The following RBMS2 variants were observed in gnomAD, a reference collection of about 807,000 sequenced individuals.
RBMS2 encodes RNA-binding motif, single-stranded-interacting protein 2.
A neutral mutation model predicts 58.4 loss-of-function variants in RBMS2; 38 were observed. That is an observed-to-expected ratio of 0.65 (90% confidence interval 0.50 to 0.85). The LOEUF (loss-of-function observed/expected upper bound fraction) is 0.85. Ranked by LOEUF, RBMS2 falls within the 40% of genes least tolerant of loss-of-function variation. The pLI, the probability that RBMS2 is intolerant of heterozygous loss-of-function variation, is 0.00. For synonymous variants in RBMS2, 151 were observed against 180.7 expected (o/e 0.84, Z 1.32); for missense variants, 367 against 503.7 (o/e 0.73, Z 2.60).
At chr12:56,549,039 C>T (rs1245586133) in intron 1 of RBMS2, among the ~76,000 whole-genome samples, 2 of 152,196 alleles carry the variant, frequency 1.3e-5, no homozygotes, top group African/African-American at 2.4e-5. Flanking sequence ...GTCAAAGTCT[C>T]ACTCTGTCAC....
At chr12:56,586,813 C>G in intron 9 of RBMS2, 36 bp from the exon 10 acceptor site, 1 of 1,543,614 alleles carries the variant, frequency 6.5e-7, no homozygotes, top group Non-Finnish European at 9.0e-7. Flanking sequence ...ATAATAGTTT[C>G]CAGGCAATTA....
At chr12:56,545,157 A>G (rs546775745) in intron 1 of RBMS2, among the ~76,000 whole-genome samples, 62 of 152,282 alleles carry the variant, frequency 4.1e-4, no homozygotes, top group African/African-American at 1.2e-3. Context: ...AAGTGAGAAC[A>G]TATAACATGC....
chr12:56,576,299 T>C (rs1883122045), intron 5 of RBMS2, among the ~76,000 whole-genome samples: 1 of 152,152 alleles, frequency 6.6e-6, no homozygotes, highest in Admixed American at 6.6e-5. Context: ...ATCACACCAC[T>C]GCACTCTAAC....
chr12:56,557,202 A>G (rs565730750), intron 1 of RBMS2, among the ~76,000 whole-genome samples: 2 of 152,276 alleles, frequency 1.3e-5, no homozygotes, highest in East Asian at 3.9e-4. Flanking sequence ...AGAATATGTC[A>G]GTTCCCTGGG....
At position 56,595,065 on chromosome 12, in the gene RBMS2, G is replaced by C. The variant is rs1007368088; in HGVS notation, c.*5932G>C. 6.6e-6 allele frequency: 1 copy of C among 152,298 alleles called. No individual in the cohort carries two copies. The highest frequency in any genetic ancestry group is 1.5e-5 in the Non-Finnish European group (1 of 68,102). The allele number at this position is 152,298 out of a possible 1,614,324, so 9.4% of individuals were successfully genotyped here. A position where few individuals can be genotyped will look rare whatever the true frequency, so the allele number is the denominator to read the frequency against. On this transcript the variant is annotated 3_prime_UTR_variant, in exon 14 of 14. Transcript: ENST00000262031. ...CCTGCTGTGATAGGCCAGGGGAGTA[G>C]GCTGTGCAGTGACGGCTTAGGGTAA...
chr12:56,521,502 G>GTTTTTTTTT (rs68129205), upstream of RBMS2, among the ~76,000 whole-genome samples: 622 of 73,146 alleles, frequency 8.5e-3, 66 homozygotes, highest in African/African-American at 0.033. Flanking sequence ...CTCTAACTCT[G>GTTTTTTTTT]TTTTTTTTTT....
At chr12:56,574,664 A>G (rs1392417597) in intron 5 of RBMS2, among the ~76,000 whole-genome samples, 1 of 152,208 alleles carries the variant, frequency 6.6e-6, no homozygotes, top group Non-Finnish European at 1.5e-5. Context: ...TTGAAAAACT[A>G]TGAAATCTCT....
intron 1 of RBMS2, among the ~76,000 whole-genome samples, chr12:56,548,610 G>A (rs1182200295): frequency 6.6e-6 from 1 of 152,088 alleles, no homozygotes; most frequent in East Asian, 1.9e-4. Flanking sequence ...TTAGGCAAAC[G>A]TTCAGTTATG....
At chr12:56,536,193 TC>T (rs1471100077) in intron 1 of RBMS2, among the ~76,000 whole-genome samples, 1 of 96,292 alleles carries the variant, frequency 1.0e-5, no homozygotes, top group African/African-American at 4.5e-5. Context: ...AGAGTGAAAC[TC>T]TGTCTCAAAA....
At chr12:56,573,193 T>C in intron 5 of RBMS2, 1 of 983,256 alleles carries the variant, frequency 1.0e-6, no homozygotes, top group Non-Finnish European at 1.2e-6. Context: ...ATAGTTTCTC[T>C]TGGCTGGGCG....
intron 5 of RBMS2, among the ~76,000 whole-genome samples, chr12:56,573,535 C>T (rs1393216497): frequency 2.7e-5 from 4 of 150,884 alleles, no homozygotes; most frequent in Admixed American, 2.6e-4. Flanking sequence ...TCCTCTTCCC[C>T]AGCTGACTCA....
In RBMS2 at chr12:56,569,845, C is replaced by T. The variant is rs879143057; in HGVS notation, c.293-54C>T. ...CCTCTGTCTCCTGAAAAGCCTGGAC[C>T]TCTCTGTTCCTTACACCTCCCACTT... On this transcript the variant is annotated intron_variant, in intron 3 of 13. Coordinates refer to ENST00000262031, the MANE Select transcript of RBMS2 (RefSeq NM_002898.4). The T allele has an allele frequency of 2.8e-5, 41 of 1,446,322 alleles. No homozygotes were observed. The South Asian group carries it at 4.6e-4, about 16-fold the overall frequency. The allele number at this position is 1,446,322 out of a possible 1,614,324, so 89.6% of individuals were successfully genotyped here.
At chr12:56,589,100 A>G (rs775426349) in intron 13 of RBMS2, 40 bp from the exon 14 acceptor site, 2 of 1,599,726 alleles carry the variant, frequency 1.3e-6, no homozygotes, top group African/African-American at 2.7e-5. Context: ...ACAGGTTCTC[A>G]TGTTTGTCTT....
intron 5 of RBMS2, chr12:56,572,861 T>G: frequency 1.0e-6 from 1 of 983,860 alleles, no homozygotes; most frequent in Non-Finnish European, 1.2e-6. Context: ...CTTGGTTCAC[T>G]CTCTGAAGTG....
intron 2 of RBMS2, among the ~76,000 whole-genome samples, chr12:56,563,382 C>T (rs1378162760): frequency 6.6e-6 from 1 of 152,092 alleles, no homozygotes; most frequent in African/African-American, 2.4e-5. Context: ...AAGTGGGACT[C>T]GCCAATCAAA....
intron 1 of RBMS2, among the ~76,000 whole-genome samples, chr12:56,538,933 T>C (rs1345799727): frequency 6.6e-6 from 1 of 152,214 alleles, no homozygotes; most frequent in African/African-American, 2.4e-5. Flanking sequence ...AGCATATTAT[T>C]ATTTTTGGTG....
intron 1 of RBMS2, among the ~76,000 whole-genome samples, chr12:56,542,253 CAG>C (rs894900935): frequency 6.6e-6 from 1 of 151,340 alleles, no homozygotes; most frequent in African/African-American, 2.4e-5. Context: ...TTTGTAGAGA[CAG>C]AGTTTCGCCA....
At chr12:56,582,982 T>C (rs1488479010) in intron 9 of RBMS2, among the ~76,000 whole-genome samples, 1 of 152,148 alleles carries the variant, frequency 6.6e-6, no homozygotes, top group Admixed American at 6.6e-5. Context: ...GCCCTCCAGG[T>C]GATTCTGTTG....
At chr12:56,540,925 A>G (rs1875961923) in intron 1 of RBMS2, among the ~76,000 whole-genome samples, 1 of 152,146 alleles carries the variant, frequency 6.6e-6, no homozygotes, top group Non-Finnish European at 1.5e-5. Flanking sequence ...ACATGGCAAG[A>G]CTAAGTCTCT....
Sources: allele counts gnomAD v4.1 joint callset (sites outside exome capture counted in the v4.1 genomes callset), GRCh38; gene constraint gnomAD v4.1.1; transcripts MANE v1.5; gene names NCBI Gene and HGNC (gene_info 2026-07-23, HGNC 2026-07-21).